ARHGEF10: variants seen among roughly 807,000 people sequenced by gnomAD.
ARHGEF10 encodes the protein Rho guanine nucleotide exchange factor 10, also known as Rho guanine nucleotide exchange factor (GEF) 10.
Under a neutral mutation model 147.4 loss-of-function variants are expected in ARHGEF10, and 140 were observed. The ratio of observed to expected loss-of-function variants is 0.95; its 90% confidence interval spans 0.83 to 1.09. The LOEUF (loss-of-function observed/expected upper bound fraction) is 1.09. ARHGEF10 is among the 50% of genes least tolerant of loss of function. ARHGEF10 has a pLI of 0.00. For synonymous variants in ARHGEF10, 902 were observed against 695.8 expected (o/e 1.30, Z -4.67); for missense variants, 2,222 against 1,752.7 (o/e 1.27, Z -4.78).
At chr8:1,954,777 C>T (rs1156645062) in intron 28 of ARHGEF10, among the ~76,000 whole-genome samples, 4 of 152,236 alleles carry the variant, frequency 2.6e-5, no homozygotes, top group Non-Finnish European at 5.9e-5. Context: ...GTACTTTTCA[C>T]CTTTCCGGCT....
In ARHGEF10 at chr8:1,896,395, G is replaced by C. The variant is rs1436090780; in HGVS notation, c.1503G>C (p.Val501=). The change falls in exon 14 of 29, where the codon GTG becomes GTC. Residue 501 remains valine (V), a synonymous_variant. Coordinates refer to ENST00000349830, the MANE Select transcript of ARHGEF10 (RefSeq NM_014629.4). The part of the protein sequence containing the change: ...SEYVNNFSTA[V]AVLKKTCATK... ...ATGTGAACAATTTCAGCACAGCCGT[G>C]GCAGTCCTCAAGAAAACATGTGCCA... 3.1e-6 allele frequency: 5 copies of C among 1,613,926 alleles called. No homozygotes were observed. The highest frequency in any genetic ancestry group is 4.2e-6 in the Non-Finnish European group (5 of 1,180,036).
intron 27 of ARHGEF10, among the ~76,000 whole-genome samples, chr8:1,952,368 G>A (rs1399203229): frequency 1.3e-5 from 2 of 152,224 alleles, no homozygotes; most frequent in Admixed American, 6.5e-5. Flanking sequence ...CGTGCTACAC[G>A]GCCCAGAAGC....
rs572622156 is a variant in ARHGEF10, at chr8:1,851,326, G to A, written c.38-6634G>A. Among the ~76,000 whole-genome samples, 6 of 151,632 alleles carry A rather than the reference G, an allele frequency of 4.0e-5. No individual in the cohort carries two copies. In the East Asian group the frequency reaches 9.7e-4, roughly 25 times the overall value. On this transcript the variant is annotated intron_variant, in intron 2 of 28. Coordinates refer to ENST00000349830, the MANE Select transcript of ARHGEF10 (RefSeq NM_014629.4). The stretch of plus-strand genomic sequence containing the variant: ...TCACACAGAAGGCACAGCACCAGGA[G>A]CGAGGCCTCACGCACACCGTGGGCT...
At chr8:1,838,572 G>C (rs563522660) in intron 1 of ARHGEF10, among the ~76,000 whole-genome samples, 1 of 152,270 alleles carries the variant, frequency 6.6e-6, no homozygotes, top group Non-Finnish European at 1.5e-5. Context: ...AAAGAGCCAC[G>C]CACTCTTCAG....
At position 1,922,965 on chromosome 8, in the gene ARHGEF10, C is replaced by T. The variant is rs1207150913; in HGVS notation, c.2145C>T (p.Asn715=). Residue 715 remains asparagine, a splice_region_variant and synonymous_variant, in exon 19 of 29, where the codon AAC becomes AAT. Coordinates refer to ENST00000349830, the MANE Select transcript of ARHGEF10 (RefSeq NM_014629.4). The part of the protein sequence containing the change: ...SLAVVANAKP[N]KVYMGPGQLY... ...TTTTTCTTTTTGCTTATTTTGTAGA[C>T]AAAGTTTACATGGGGCCAGGACAAC... 15 of 1,607,070 alleles carry T rather than the reference C, an allele frequency of 9.3e-6. No individual in the cohort carries two copies. The highest frequency in any genetic ancestry group is 1.3e-5 in the Non-Finnish European group (15 of 1,174,798).
At chr8:1,898,228 G>C (rs540093477) in intron 14 of ARHGEF10, among the ~76,000 whole-genome samples, 1 of 152,134 alleles carries the variant, frequency 6.6e-6, no homozygotes, top group South Asian at 2.1e-4. Context: ...GTGTGAGGTC[G>C]GGCCCCTGCA....
chr8:1,871,637 G>T (rs1452518467), intron 7 of ARHGEF10, among the ~76,000 whole-genome samples: 2 of 152,150 alleles, frequency 1.3e-5, no homozygotes, highest in Non-Finnish European at 2.9e-5. Context: ...GGCCAAGATG[G>T]TGAAACCCCA....
intron 2 of ARHGEF10, among the ~76,000 whole-genome samples, chr8:1,851,145 C>T (rs1275799362): frequency 1.3e-5 from 2 of 151,840 alleles, no homozygotes; most frequent in Admixed American, 6.6e-5. Flanking sequence ...AGGCACAGCA[C>T]CAGGAGCGAG....
At chr8:1,896,963 G>A (rs1339031129) in intron 14 of ARHGEF10, among the ~76,000 whole-genome samples, 1 of 152,200 alleles carries the variant, frequency 6.6e-6, no homozygotes, top group Non-Finnish European at 1.5e-5. Flanking sequence ...TGATGGGTGT[G>A]GGTTAGCGTT....
chr8:1,909,595 G>C (rs1811205988), intron 18 of ARHGEF10, 125 bp downstream of exon 18: 1 of 1,302,942 alleles, frequency 7.7e-7, no homozygotes, highest in Non-Finnish European at 1.1e-6. Context: ...CAAGTCTGCA[G>C]AGGTGATCCA....
intron 18 of ARHGEF10, among the ~76,000 whole-genome samples, chr8:1,919,099 GTGGGTGATGGAGCTGTTCTA>G (rs1229334295): frequency 4.7e-5 from 7 of 148,328 alleles, no homozygotes; most frequent in African/African-American, 1.0e-4. Context: ...GAGCTCTTCC[GTGGGTGATGGAGCTGTTCTA>G]TGGGTGATGG....
chr8:1,901,347 G>A (rs759105882), intron 15 of ARHGEF10, among the ~76,000 whole-genome samples: 22 of 152,216 alleles, frequency 1.4e-4, no homozygotes, highest in Non-Finnish European at 2.1e-4. Context: ...TCTTGCCTGC[G>A]TTCTTCCTGG....
intron 27 of ARHGEF10, among the ~76,000 whole-genome samples, chr8:1,946,398 G>T (rs1180092615): frequency 6.6e-6 from 1 of 152,210 alleles, no homozygotes; most frequent in East Asian, 1.9e-4. Flanking sequence ...AGCCAGAGAG[G>T]CTGCCCCTCC....
chr8:1,877,917 C>G (rs866833855), intron 8 of ARHGEF10, among the ~76,000 whole-genome samples: 2 of 151,976 alleles, frequency 1.3e-5, no homozygotes, highest in Non-Finnish European at 1.5e-5. Flanking sequence ...CCGGTGTTAT[C>G]CCTCCGGTCC....
intron 27 of ARHGEF10, among the ~76,000 whole-genome samples, chr8:1,950,791 G>A (rs1374771905): frequency 3.5e-5 from 5 of 141,274 alleles, no homozygotes; most frequent in Non-Finnish European, 7.5e-5. Context: ...TGTTGGCCAG[G>A]CTGGTCTGGA....
chr8:1,838,454 G>A (rs1803724144), intron 1 of ARHGEF10, among the ~76,000 whole-genome samples: 1 of 152,266 alleles, frequency 6.6e-6, no homozygotes, highest in Non-Finnish European at 1.5e-5. Context: ...CCCAGCCTGG[G>A]GAGAAGCCAT....
chr8:1,875,905 A>T (rs1807657044), intron 7 of ARHGEF10: 1 of 153,132 alleles, frequency 6.5e-6, no homozygotes, highest in Admixed American at 6.5e-5. Flanking sequence ...TAAGGCATGG[A>T]GATTATTTGT....
intron 26 of ARHGEF10, among the ~76,000 whole-genome samples, chr8:1,940,146 G>A (rs973386656): frequency 7.2e-5 from 11 of 152,162 alleles, no homozygotes; most frequent in South Asian, 2.1e-4. Context: ...TCAAAAGCCC[G>A]AGGAAAGAAA....
At chr8:1,925,887 C>T (rs934126023) in intron 22 of ARHGEF10, among the ~76,000 whole-genome samples, 5 of 152,198 alleles carry the variant, frequency 3.3e-5, no homozygotes, top group Admixed American at 1.3e-4. Flanking sequence ...CCTTCAGTGA[C>T]ACTGACAATG....
Sources: gnomAD v4.1 joint callset for allele counts (sites outside exome capture counted in the v4.1 genomes callset) on GRCh38, gnomAD v4.1.1 for gene constraint, MANE v1.5 for transcripts, NCBI Gene and HGNC (gene_info 2026-07-23, HGNC 2026-07-21) for gene names.